Variants in MAP2 observed in about 807,000 individuals in gnomAD.
MAP2 encodes the protein microtubule associated protein 2, also known as microtubule-associated protein 2.
A neutral mutation model predicts 137.6 loss-of-function variants in MAP2; 14 were observed. The observed-to-expected ratio is 0.10, with a 90% confidence interval of 0.07 to 0.16. The LOEUF is 0.16. Among genes scored for constraint, MAP2 ranks in the 10% least tolerant of loss-of-function variants. The probability of loss-of-function intolerance (pLI) is 1.00; values close to 1 mark genes in which losing one functional copy is unlikely to be tolerated. For synonymous variants in MAP2, 786 were observed against 782.3 expected (o/e 1.00, Z -0.08); for missense variants, 2,088 against 2,191.5 (o/e 0.95, Z 0.94).
intron 6 of MAP2, 69 bp from the exon 7 acceptor site, chr2:209,680,681 C>A: frequency 7.5e-7 from 1 of 1,338,660 alleles, no homozygotes; most frequent in Non-Finnish European, 1.1e-6. Flanking sequence ...AATGGCAGAA[C>A]TTCCTACACA....
intron 5 of MAP2, among the ~76,000 whole-genome samples, chr2:209,656,698 G>A (rs1007239364): frequency 1.3e-5 from 2 of 152,008 alleles, no homozygotes; most frequent in Non-Finnish European, 2.9e-5. Context: ...AAACTATTAA[G>A]CATCTAGCCA....
chr2:209,542,604 A>C (rs1330725111), intron 2 of MAP2, among the ~76,000 whole-genome samples: 1 of 152,218 alleles, frequency 6.6e-6, no homozygotes, highest in Non-Finnish European at 1.5e-5. Context: ...GTCTTCATCA[A>C]AGATTTTAGC....
chr2:209,583,143 GTCTGTCTATCTA>G (rs1173844595), intron 3 of MAP2, among the ~76,000 whole-genome samples: 1 of 94,022 alleles, frequency 1.1e-5, no homozygotes, highest in African/African-American at 4.2e-5. Context: ...CCATCTGTCT[GTCTGTCTATCTA>G]TCTATCTATC....
In MAP2 at chr2:209,706,146, G is replaced by A. The variant is rs2063330525; in HGVS notation, c.4732+419G>A. On this transcript the variant is annotated intron_variant, in intron 12 of 15. Transcript: ENST00000682079. ...CTAGAAAGTCGACATTCAAAACTTA[G>A]GATCCTGTTCAACTTCTTAAGAATT... Among the ~76,000 whole-genome samples the A allele has an allele frequency of 2.0e-5, 3 of 152,150 alleles. No homozygotes were observed. In the South Asian group the frequency reaches 6.2e-4, roughly 32 times the overall value.
chr2:209,706,766 TCAA>T (rs2063557658), intron 12 of MAP2, among the ~76,000 whole-genome samples: 1 of 152,160 alleles, frequency 6.6e-6, no homozygotes, highest in African/African-American at 2.4e-5. Flanking sequence ...ATAGTTGACT[TCAA>T]CACTTATTTT....
At chr2:209,723,612 G>A in intron 13 of MAP2, 1 of 1,612,506 alleles carries the variant, frequency 6.2e-7, no homozygotes, top group African/African-American at 1.3e-5. Flanking sequence ...TTTTAAACAA[G>A]AAGATCGATT....
chr2:209,458,655 G>GTGT (rs1407095504), intron 1 of MAP2, among the ~76,000 whole-genome samples: 1 of 152,130 alleles, frequency 6.6e-6, no homozygotes, highest in Non-Finnish European at 1.5e-5. Context: ...TCCAGCATCT[G>GTGT]TGTTGTTTAC....
At chr2:209,591,893 G>A (rs2079355692) in intron 3 of MAP2, among the ~76,000 whole-genome samples, 1 of 151,986 alleles carries the variant, frequency 6.6e-6, no homozygotes, top group Admixed American at 6.6e-5. Context: ...AATGTATTCT[G>A]TTCTGTATTT....
At chr2:209,504,113 A>G (rs2060737225) in intron 1 of MAP2, among the ~76,000 whole-genome samples, 2 of 148,040 alleles carry the variant, frequency 1.4e-5, no homozygotes, top group South Asian at 4.4e-4. Flanking sequence ...AAAAAAAAAA[A>G]GAGAGAGACT....
At chr2:209,538,572 G>T (rs572801501) in intron 2 of MAP2, among the ~76,000 whole-genome samples, 2 of 148,374 alleles carry the variant, frequency 1.3e-5, no homozygotes, top group Admixed American at 1.3e-4. Flanking sequence ...TATGACTCTG[G>T]GTATAAATAG....
At chr2:209,437,873 C>T (rs1696732823) in intron 1 of MAP2, among the ~76,000 whole-genome samples, 1 of 150,870 alleles carries the variant, frequency 6.6e-6, no homozygotes, top group Non-Finnish European at 1.5e-5. Context: ...TAAGTCGTTC[C>T]CCTGTAATCA....
intron 1 of MAP2, among the ~76,000 whole-genome samples, chr2:209,490,604 G>GAAAA (rs2058966518): frequency 5.9e-4 from 1 of 1,686 alleles, no homozygotes; most frequent in African/African-American, 2.2e-3. Context: ...CAAATGGAAA[G>GAAAA]CAAAAAAAAA....
chr2:209,598,925 T>C (rs2082192583), intron 3 of MAP2, among the ~76,000 whole-genome samples: 1 of 151,688 alleles, frequency 6.6e-6, no homozygotes, highest in African/African-American at 2.4e-5. Context: ...CATGTGTCTT[T>C]ATAGCAGCAT....
rs188226331 is a variant in MAP2, at chr2:209,603,788, A to G, written c.-106-21265A>G. Among the ~76,000 whole-genome samples, 641 of 152,246 alleles carry G rather than the reference A, an allele frequency of 4.2e-3. 8 individuals are homozygous for G. The highest frequency in any genetic ancestry group is 2.3e-3 in the South Asian group (11 of 4,828). On this transcript the variant is annotated intron_variant, in intron 3 of 15. Transcript: ENST00000682079. ...TTTAAGTAACAGTTTCAGTCTTTTC[A>G]TCAGAGGAAAGAAACCACAATTGCT...
At chr2:209,528,415 A>T (rs529373825) in intron 2 of MAP2, among the ~76,000 whole-genome samples, 1 of 152,262 alleles carries the variant, frequency 6.6e-6, no homozygotes, top group African/African-American at 2.4e-5. Context: ...ATGGTTCCTC[A>T]CTTTAAAATT....
intron 2 of MAP2, among the ~76,000 whole-genome samples, chr2:209,554,199 G>A (rs2069925161): frequency 6.6e-6 from 1 of 152,150 alleles, no homozygotes; most frequent in African/African-American, 2.4e-5. Context: ...TTGAAATTCA[G>A]TCTTTTGGGT....
chr2:209,655,020 A>G (rs2095053751), intron 5 of MAP2, among the ~76,000 whole-genome samples: 1 of 152,224 alleles, frequency 6.6e-6, no homozygotes. Flanking sequence ...TTGGTCATGC[A>G]GTAAAAACCA....
At chr2:209,463,065 A>T (rs1703242454) in intron 1 of MAP2, among the ~76,000 whole-genome samples, 1 of 152,120 alleles carries the variant, frequency 6.6e-6, no homozygotes, top group African/African-American at 2.4e-5. Flanking sequence ...TTCAAGACAC[A>T]CATGAGTGTG....
chr2:209,428,368 AG>A (rs1444237567), intron 1 of MAP2, among the ~76,000 whole-genome samples: 2 of 146,886 alleles, frequency 1.4e-5, no homozygotes, highest in African/African-American at 5.1e-5. Context: ...CACACACTAG[AG>A]GGGGCAAATT....
Sources: allele counts gnomAD v4.1 joint callset (sites outside exome capture counted in the v4.1 genomes callset), GRCh38; gene constraint gnomAD v4.1.1; transcripts MANE v1.5; gene names NCBI Gene and HGNC (gene_info 2026-07-23, HGNC 2026-07-21).